Variants in NBEA observed in about 807,000 individuals in gnomAD.
NBEA encodes the protein neurobeachin.
In NBEA, 44 loss-of-function variants were observed where a neutral mutation model predicts 343.4. That is an observed-to-expected ratio of 0.13 (90% CI 0.10 to 0.16). NBEA has a LOEUF of 0.16. Among genes scored for constraint, NBEA ranks in the 10% least tolerant of loss-of-function variants. The probability of loss-of-function intolerance (pLI) is 1.00; values close to 1 mark genes in which losing one functional copy is unlikely to be tolerated. For missense variants in NBEA, 2,555 were observed against 3,631.3 expected (o/e 0.70, Z 7.62); for synonymous variants, 1,175 against 1,238.7 (o/e 0.95, Z 1.08).
chr13:35,229,833 A>G (rs1470246255), intron 33 of NBEA, among the ~76,000 whole-genome samples: 1 of 152,162 alleles, frequency 6.6e-6, no homozygotes, highest in Non-Finnish European at 1.5e-5. Context: ...TTTATACAGC[A>G]TTTACAACCT....
Position 35,067,622 on chromosome 13 carries a change from C to T in NBEA, c.1240-2286C>T, listed in dbSNP as rs529058681. ...CACTCCTCATTCTCATCCATCTCCT[C>T]CTAGTCATACAGATTTATATAATAA... On this transcript the variant is annotated intron_variant, in intron 8 of 58. Coordinates refer to ENST00000379939, the MANE Select transcript of NBEA (RefSeq NM_001385012.1). 2.6e-5 allele frequency among the ~76,000 whole-genome samples: 4 copies of T among 152,204 alleles called. No homozygotes were observed. In the East Asian group the frequency reaches 7.7e-4, roughly 29 times the overall value.
rs184534576 is a variant in NBEA, at chr13:35,266,338, A to G, written c.5777-24051A>G. 1.5e-3 allele frequency among the ~76,000 whole-genome samples: 231 copies of G among 151,986 alleles called. 1 individual carries two copies. The highest frequency in any genetic ancestry group is 5.3e-3 in the African/African-American group (222 of 41,544). On this transcript the variant is annotated intron_variant, in intron 34 of 58. Transcript: ENST00000379939. ...TGATCTAGCAGTTTTTCTACTGGGT[A>G]TGTATCCAAAGGAAATTGAATTAGT...
intron 44 of NBEA, among the ~76,000 whole-genome samples, chr13:35,562,940 A>T (rs2079933501): frequency 6.6e-6 from 1 of 151,948 alleles, no homozygotes; most frequent in African/African-American, 2.4e-5. Flanking sequence ...AAAAACATTA[A>T]ATTGGATGGT....
intron 41 of NBEA, among the ~76,000 whole-genome samples, chr13:35,498,579 C>G (rs2076771892): frequency 6.6e-6 from 1 of 152,006 alleles, no homozygotes; most frequent in Non-Finnish European, 1.5e-5. Flanking sequence ...AAAAGCTGCT[C>G]AAAAACAAAG....
rs375149782 is a variant in NBEA at position 35,505,245 on chromosome 13, A to G, written c.6585+32709A>G. The stretch of plus-strand genomic sequence containing the variant: ...CTGGCTTTTTAAAAAAAATTAGTTG[A>G]CAATAGACATATAGAGTTTGAGTTT... On this transcript the variant is annotated intron_variant, in intron 41 of 58. Transcript: ENST00000379939. Among the ~76,000 whole-genome samples the G allele has an allele frequency of 2.0e-5, 3 of 152,310 alleles. No homozygotes were observed. The South Asian group carries it at 6.2e-4, about 32-fold the overall frequency.
intron 38 of NBEA, among the ~76,000 whole-genome samples, chr13:35,371,068 A>G (rs1002491879): frequency 1.1e-4 from 17 of 152,034 alleles, no homozygotes; most frequent in Non-Finnish European, 2.2e-4. Context: ...ACTTTTGACA[A>G]TTGGACTTTA....
chr13:35,352,142 TG>T lies in NBEA; in HGVS notation c.6013-14del. 7.2e-7 allele frequency: 1 copy of T among 1,397,652 alleles called. No homozygotes were observed. Among genetic ancestry groups the T allele is most frequent in the Non-Finnish European group, 9.4e-7 (1 of 1,058,804 alleles). 86.6% of individuals were successfully genotyped at this position (1,397,652 alleles called of 1,614,324 possible). Reference sequence around the variant, plus strand: ...AAAAAGTTTATTATTATGCATCATTTGTATTTCTTTATAGTCACAGTGTGCC... The same window carrying T: ...AAAAAGTTTATTATTATGCATCATTTTATTTCTTTATAGTCACAGTGTGCC... On this transcript the variant is annotated splice_polypyrimidine_tract_variant and intron_variant, in intron 37 of 58. Coordinates refer to ENST00000379939, the MANE Select transcript of NBEA (RefSeq NM_001385012.1).
intron 1 of NBEA, among the ~76,000 whole-genome samples, chr13:35,019,031 T>G (rs1185223639): frequency 1.3e-5 from 2 of 151,888 alleles, no homozygotes; most frequent in Non-Finnish European, 2.9e-5. Flanking sequence ...TCAGCTGATA[T>G]GGGGAATTAT....
intron 33 of NBEA, among the ~76,000 whole-genome samples, chr13:35,222,011 T>G (rs1181198937): frequency 6.6e-6 from 1 of 152,168 alleles, no homozygotes; most frequent in Admixed American, 6.5e-5. Flanking sequence ...TTTGTCCAGC[T>G]TTTTTAGTTG....
intron 1 of NBEA, among the ~76,000 whole-genome samples, chr13:35,003,682 A>G (rs975250102): frequency 2.6e-5 from 4 of 152,186 alleles, no homozygotes; most frequent in African/African-American, 9.6e-5. Context: ...TGGGAACATT[A>G]CACTCTGAAT....
At chr13:35,326,568 A>G (rs946392203) in intron 36 of NBEA, among the ~76,000 whole-genome samples, 4 of 151,960 alleles carry the variant, frequency 2.6e-5, no homozygotes, top group East Asian at 1.9e-4. Flanking sequence ...GTATAGATTC[A>G]TATTGTCAGT....
chr13:35,182,312 A>G (rs1280971486), intron 28 of NBEA, 48 bp from the exon 29 acceptor site: 5 of 1,544,352 alleles, frequency 3.2e-6, no homozygotes, highest in Non-Finnish European at 4.4e-6. Context: ...TTAAGAACTT[A>G]TACTTCAAAA....
chr13:35,095,721 T>C lies in NBEA; in HGVS notation c.1572-2576T>C, dbSNP rs1338728839. On this transcript the variant is annotated intron_variant, in intron 10 of 58. Transcript: ENST00000379939. ...ATTATGGTACTGTCTGTTGAAAAGTTTAGCAATTATATATCATGACATAAT... is the reference window on the plus strand; with the variant it reads ...ATTATGGTACTGTCTGTTGAAAAGTCTAGCAATTATATATCATGACATAAT... 2.6e-5 allele frequency among the ~76,000 whole-genome samples: 4 copies of C among 152,054 alleles called. No individual in the cohort carries two copies. In the South Asian group the frequency reaches 8.3e-4, roughly 32 times the overall value.
At chr13:35,629,255 G>A (rs972192559) in intron 49 of NBEA, among the ~76,000 whole-genome samples, 15 of 152,232 alleles carry the variant, frequency 9.9e-5, no homozygotes, top group South Asian at 8.3e-4. Context: ...GCCATCTGTC[G>A]TATGCAAAAC....
rs1299320864 is a variant in NBEA, at chr13:35,645,951, T to C, written c.7680+20T>C. 7.5e-6 allele frequency: 11 copies of C among 1,466,998 alleles called. No individual in the cohort carries two copies. The highest frequency in any genetic ancestry group is 8.3e-6 in the Non-Finnish European group (9 of 1,078,778). 90.9% of individuals were successfully genotyped at this position (1,466,998 alleles called of 1,614,324 possible). A position where few individuals can be genotyped will look rare whatever the true frequency, so the allele number is the denominator to read the frequency against. ...ATTAAGGTATATGTTCTGTATTTAG[T>C]GTGGAAAGTGTTCTTTGGTCTTTAG... On this transcript the variant is annotated intron_variant, in intron 50 of 58. Coordinates refer to ENST00000379939, the MANE Select transcript of NBEA (RefSeq NM_001385012.1).
In NBEA at chr13:35,417,834, G is replaced by A. The variant is rs575284051; in HGVS notation, c.6180-14435G>A. 4.6e-5 allele frequency among the ~76,000 whole-genome samples: 7 copies of A among 152,254 alleles called. No individual in the cohort carries two copies. In the South Asian group the frequency reaches 1.5e-3, roughly 32 times the overall value. On this transcript the variant is annotated intron_variant, in intron 38 of 58. Transcript: ENST00000379939. Reference sequence around the variant, plus strand: ...TGATCTGTCTAATGTTGACAGTGGGGTGTTAAAATCTCCCATTATTATTGT... The same window carrying A: ...TGATCTGTCTAATGTTGACAGTGGGATGTTAAAATCTCCCATTATTATTGT...
intron 40 of NBEA, among the ~76,000 whole-genome samples, chr13:35,465,909 G>A (rs776596089): frequency 6.6e-6 from 1 of 151,584 alleles, no homozygotes; most frequent in Non-Finnish European, 1.5e-5. Context: ...GTAGGTTAAA[G>A]TTAGAGCATA....
intron 10 of NBEA, among the ~76,000 whole-genome samples, chr13:35,091,800 A>G (rs1277543990): frequency 6.6e-6 from 1 of 152,028 alleles, no homozygotes; most frequent in Admixed American, 6.6e-5. Flanking sequence ...AAAGATCTGA[A>G]TAAGTTTAGG....
intron 43 of NBEA, among the ~76,000 whole-genome samples, chr13:35,551,478 G>C (rs2079322177): frequency 6.6e-6 from 1 of 152,114 alleles, no homozygotes; most frequent in Non-Finnish European, 1.5e-5. Context: ...TTATGGTATA[G>C]TTGTAACCAC....
Sources: allele counts gnomAD v4.1 joint callset (sites outside exome capture counted in the v4.1 genomes callset), GRCh38; gene constraint gnomAD v4.1.1; transcripts MANE v1.5; gene names NCBI Gene and HGNC (gene_info 2026-07-23, HGNC 2026-07-21).